Variants in FSTL4 observed in about 807,000 individuals in gnomAD.
The protein encoded by FSTL4 is follistatin-related protein 4.
Under a neutral mutation model 78.2 loss-of-function variants are expected in FSTL4, and 28 were observed. The ratio of observed to expected loss-of-function variants is 0.36; its 90% CI spans 0.27 to 0.49. The LOEUF (loss-of-function observed/expected upper bound fraction) is 0.49. Ranked by LOEUF, FSTL4 falls within the 20% of genes least tolerant of loss-of-function variation. The pLI is 0.98. For missense variants in FSTL4, 922 were observed against 1,084.9 expected (o/e 0.85, Z 2.11); for synonymous variants, 422 against 440.5 (o/e 0.96, Z 0.53).
rs968489618 is a variant in FSTL4 at position 133,212,416 on chromosome 5, G to T, written c.1609-2118C>A. Among the ~76,000 whole-genome samples the T allele has an allele frequency of 1.4e-4, 21 of 152,300 alleles. No homozygotes were observed. The East Asian group carries it at 4.1e-3, about 29-fold the overall frequency. On this transcript the variant is annotated intron_variant, in intron 13 of 15. Coordinates refer to ENST00000265342, the MANE Select transcript of FSTL4 (RefSeq NM_015082.2). ...ATGGCAGCCAAGAGATCTGATCCTG[G>T]CAAACAAGCCCCAGGATTAGGGGCA...
chr5:133,684,579 G>A, the FSTL4 span, among the ~76,000 whole-genome samples: 5 of 152,214 alleles, frequency 3.3e-5, no homozygotes, highest in Non-Finnish European at 7.3e-5. Flanking sequence ...GGCAGACAGA[G>A]TTCCATACAG....
At chr5:133,808,326 T>G in the FSTL4 span, among the ~76,000 whole-genome samples, 2 of 151,860 alleles carry the variant, frequency 1.3e-5, no homozygotes, top group Admixed American at 6.6e-5. Flanking sequence ...AGGAGGAGAG[T>G]GTCCCAGGAC....
the FSTL4 span, among the ~76,000 whole-genome samples, chr5:133,646,809 A>G: frequency 0.014 from 2,167 of 152,034 alleles, 38 homozygotes; most frequent in Admixed American, 0.056. Context: ...GGTGAGGAAG[A>G]CCCAAGAGAA....
At chr5:133,220,896 C>T (rs1751079594) in intron 11 of FSTL4, 30 bp from the exon 12 acceptor site, 1 of 1,333,862 alleles carries the variant, frequency 7.5e-7, no homozygotes, top group South Asian at 1.2e-5. Flanking sequence ...TGGGCATGCC[C>T]TCCAAGCAGT....
chr5:133,710,592 C>T, the FSTL4 span, among the ~76,000 whole-genome samples: 1 of 152,220 alleles, frequency 6.6e-6, no homozygotes, highest in African/African-American at 2.4e-5. Context: ...GAATGGAGGC[C>T]ACATCTCCTT....
At chr5:133,751,607 C>A in the FSTL4 span, among the ~76,000 whole-genome samples, 1 of 152,144 alleles carries the variant, frequency 6.6e-6, no homozygotes, top group Non-Finnish European at 1.5e-5. Flanking sequence ...GATGCTCCCA[C>A]GATCGGTGGG....
chr5:133,742,874 G>A, the FSTL4 span, among the ~76,000 whole-genome samples: 2 of 152,074 alleles, frequency 1.3e-5, no homozygotes, highest in African/African-American at 4.8e-5. Context: ...AGGAGCGCGC[G>A]GTGGAGATCA....
chr5:133,511,237 A>C (rs544547554), intron 3 of FSTL4, among the ~76,000 whole-genome samples: 1 of 152,206 alleles, frequency 6.6e-6, no homozygotes, highest in Admixed American at 6.5e-5. Flanking sequence ...CCTGGTTAGG[A>C]CATGATCAGC....
At chr5:133,293,119 G>A (rs756977206) in intron 6 of FSTL4, among the ~76,000 whole-genome samples, 2 of 152,238 alleles carry the variant, frequency 1.3e-5, no homozygotes, top group Non-Finnish European at 2.9e-5. Context: ...GCCTGACCCT[G>A]CCTTCCGGCA....
At chr5:133,821,977 C>A in the FSTL4 span, among the ~76,000 whole-genome samples, 1 of 152,060 alleles carries the variant, frequency 6.6e-6, no homozygotes, top group Non-Finnish European at 1.5e-5. Context: ...GACAAGTGAC[C>A]CTGGGGGGTC....
chr5:133,408,001 G>A (rs1330880754), intron 3 of FSTL4, among the ~76,000 whole-genome samples: 1 of 152,220 alleles, frequency 6.6e-6, no homozygotes, highest in Non-Finnish European at 1.5e-5. Flanking sequence ...CACAGTAGGT[G>A]AGTGATCTGC....
chr5:133,329,202 C>T (rs1754285342), intron 4 of FSTL4, among the ~76,000 whole-genome samples: 1 of 152,086 alleles, frequency 6.6e-6, no homozygotes, highest in Non-Finnish European at 1.5e-5. Context: ...CAGTGCTGTC[C>T]CCAAGAGGCG....
chr5:133,755,405 C>G, the FSTL4 span, among the ~76,000 whole-genome samples: 1 of 152,166 alleles, frequency 6.6e-6, no homozygotes, highest in South Asian at 2.1e-4. Context: ...CTGCTATAGA[C>G]AGGATACCAC....
intron 6 of FSTL4, among the ~76,000 whole-genome samples, chr5:133,282,918 T>C (rs189213102): frequency 6.6e-6 from 1 of 152,328 alleles, no homozygotes; most frequent in East Asian, 1.9e-4. Flanking sequence ...AGTCTTGCAA[T>C]GCTCATCTGA....
At chr5:133,520,205 T>C (rs1758947999) in intron 3 of FSTL4, among the ~76,000 whole-genome samples, 1 of 152,104 alleles carries the variant, frequency 6.6e-6, no homozygotes, top group African/African-American at 2.4e-5. Flanking sequence ...GAAGAAGGTG[T>C]GGAGTGGATG....
chr5:133,626,205 CAT>C, the FSTL4 span, among the ~76,000 whole-genome samples: 5 of 558 alleles, frequency 9.0e-3, 2 homozygotes, highest in Admixed American at 0.056. Context: ...ATATATATTC[CAT>C]ATATATATAT....
At chr5:133,805,093 C>T in the FSTL4 span, among the ~76,000 whole-genome samples, 4 of 151,882 alleles carry the variant, frequency 2.6e-5, no homozygotes, top group Non-Finnish European at 5.9e-5. Flanking sequence ...TCCCAGAATC[C>T]CTCTCTTGGC....
intron 3 of FSTL4, among the ~76,000 whole-genome samples, chr5:133,452,941 A>C (rs1490935046): frequency 2.0e-5 from 3 of 152,258 alleles, no homozygotes; most frequent in Non-Finnish European, 4.4e-5. Context: ...CAACTCTATG[A>C]AGCAACTGAG....
chr5:133,359,406 T>C (rs1755019057), intron 4 of FSTL4, among the ~76,000 whole-genome samples: 1 of 152,210 alleles, frequency 6.6e-6, no homozygotes, highest in Non-Finnish European at 1.5e-5. Context: ...AGGTGATGAA[T>C]TTCAAAAATA....
Sources: gnomAD v4.1 joint callset for allele counts (sites outside exome capture counted in the v4.1 genomes callset) on GRCh38, gnomAD v4.1.1 for gene constraint, MANE v1.5 for transcripts, NCBI Gene and HGNC (gene_info 2026-07-23, HGNC 2026-07-21) for gene names.